Variants in NAALADL2 observed in about 807,000 individuals in gnomAD.
NAALADL2 encodes the protein N-acetylated alpha-linked acidic dipeptidase like 2.
A neutral mutation model predicts 87.2 loss-of-function variants in NAALADL2; 76 were observed. The ratio of observed to expected loss-of-function variants is 0.87; its 90% CI spans 0.72 to 1.05. The LOEUF (loss-of-function observed/expected upper bound fraction) is 1.05. Ranked by LOEUF, NAALADL2 falls within the 50% of genes least tolerant of loss-of-function variation. The pLI is 0.00. For missense variants in NAALADL2, 1,089 were observed against 945.8 expected (o/e 1.15, Z -1.99); for synonymous variants, 354 against 331.0 (o/e 1.07, Z -0.75).
chr3:174,709,275 T>C (rs1730399209), intron 2 of NAALADL2, among the ~76,000 whole-genome samples: 1 of 152,138 alleles, frequency 6.6e-6, no homozygotes, highest in Non-Finnish European at 1.5e-5. Flanking sequence ...GGCTCTGAAC[T>C]TCCTTGCAGT....
chr3:175,021,465 A>T (rs1435188137), intron 1 of NAALADL2, among the ~76,000 whole-genome samples: 1 of 152,114 alleles, frequency 6.6e-6, no homozygotes, highest in Non-Finnish European at 1.5e-5. Context: ...CTTACAAGGT[A>T]TTAAGGGGCA....
intron 2 of NAALADL2, among the ~76,000 whole-genome samples, chr3:175,180,352 A>G (rs1427004326): frequency 6.6e-6 from 1 of 152,038 alleles, no homozygotes; most frequent in Non-Finnish European, 1.5e-5. Flanking sequence ...GGGAGATAAT[A>G]CTATTCATGT....
At chr3:175,218,478 T>C (rs1325628264) in intron 2 of NAALADL2, among the ~76,000 whole-genome samples, 1 of 148,656 alleles carries the variant, frequency 6.7e-6, no homozygotes, top group Admixed American at 6.6e-5. Context: ...ACTCTTTTTT[T>C]ATCCAAATAT....
intron 1 of NAALADL2, among the ~76,000 whole-genome samples, chr3:174,445,445 G>C (rs1714983380): frequency 1.3e-5 from 2 of 151,980 alleles, no homozygotes; most frequent in South Asian, 4.1e-4. Context: ...CTGGCCTTCA[G>C]TTTTTTACTG....
chr3:175,774,011 A>G (rs2150187813), intron 13 of NAALADL2, among the ~76,000 whole-genome samples: 1 of 152,230 alleles, frequency 6.6e-6, no homozygotes, highest in South Asian at 2.1e-4. Context: ...TGGAGCTTGA[A>G]GGTCAAGGCA....
intron 1 of NAALADL2, among the ~76,000 whole-genome samples, chr3:174,978,964 A>G (rs1471664672): frequency 1.3e-5 from 2 of 152,172 alleles, no homozygotes; most frequent in African/African-American, 4.8e-5. Flanking sequence ...ATTCACAAGG[A>G]TGACTGGAAT....
At chr3:175,669,000 A>T (rs1430832712) in intron 11 of NAALADL2, among the ~76,000 whole-genome samples, 1 of 152,108 alleles carries the variant, frequency 6.6e-6, no homozygotes. Flanking sequence ...TAACCAATGG[A>T]GAAGAGAGGC....
At chr3:174,703,947 G>C (rs1451516400) in intron 2 of NAALADL2, among the ~76,000 whole-genome samples, 1 of 152,156 alleles carries the variant, frequency 6.6e-6, no homozygotes, top group Non-Finnish European at 1.5e-5. Flanking sequence ...AGGCTGGACT[G>C]AATGCTAAGT....
At chr3:175,416,895 T>C (rs959698063) in intron 5 of NAALADL2, among the ~76,000 whole-genome samples, 19 of 151,982 alleles carry the variant, frequency 1.3e-4, no homozygotes, top group Non-Finnish European at 2.9e-5. Context: ...TATATGATGC[T>C]GAGTCACTTG....
intron 5 of NAALADL2, among the ~76,000 whole-genome samples, chr3:175,430,218 A>T (rs1180090540): frequency 6.6e-6 from 1 of 151,956 alleles, no homozygotes; most frequent in African/African-American, 2.4e-5. Flanking sequence ...CTACCATTCT[A>T]AATTCTACCA....
chr3:175,420,187 A>G (rs1474063671), intron 5 of NAALADL2, among the ~76,000 whole-genome samples: 1 of 151,950 alleles, frequency 6.6e-6, no homozygotes, highest in African/African-American at 2.4e-5. Flanking sequence ...AAAAGAGAGA[A>G]ATGTTTCTTT....
At chr3:174,871,073 T>C (rs868812665) in intron 1 of NAALADL2, among the ~76,000 whole-genome samples, 3 of 152,212 alleles carry the variant, frequency 2.0e-5, no homozygotes, top group Non-Finnish European at 4.4e-5. Context: ...AATTCAAGAA[T>C]GTTTTGACCA....
At chr3:175,251,568 A>T (rs1186166572) in intron 3 of NAALADL2, among the ~76,000 whole-genome samples, 5 of 152,230 alleles carry the variant, frequency 3.3e-5, no homozygotes, top group African/African-American at 7.2e-5. Flanking sequence ...GTTGTAAGTT[A>T]ACATAGTACC....
At chr3:174,850,136 C>T (rs1725085799) in intron 3 of NAALADL2, among the ~76,000 whole-genome samples, 1 of 152,046 alleles carries the variant, frequency 6.6e-6, no homozygotes, top group Non-Finnish European at 1.5e-5. Flanking sequence ...GTATTTCTCC[C>T]TCATGTTCGA....
chr3:175,760,617 A>G (rs1583142363), intron 13 of NAALADL2, among the ~76,000 whole-genome samples: 1 of 152,200 alleles, frequency 6.6e-6, no homozygotes, highest in East Asian at 1.9e-4. Context: ...TCTTGAGTAG[A>G]CAGGGGATTA....
chr3:174,765,830 A>G (rs1221816903), intron 3 of NAALADL2, among the ~76,000 whole-genome samples: 2 of 152,318 alleles, frequency 1.3e-5, no homozygotes, highest in South Asian at 2.1e-4. Flanking sequence ...GTCAAAATGA[A>G]TGTGATATCC....
chr3:175,187,363 C>T (rs1737496747), intron 2 of NAALADL2, among the ~76,000 whole-genome samples: 1 of 152,194 alleles, frequency 6.6e-6, no homozygotes, highest in South Asian at 2.1e-4. Flanking sequence ...TGTTTATTTC[C>T]TATCGTTGTC....
intron 2 of NAALADL2, among the ~76,000 whole-genome samples, chr3:174,617,343 G>T (rs1228406716): frequency 6.6e-6 from 1 of 151,428 alleles, no homozygotes; most frequent in Non-Finnish European, 1.5e-5. Context: ...CACTAAAGAA[G>T]AAAATATATC....
At chr3:174,624,400 G>C (rs1211670950) in intron 2 of NAALADL2, among the ~76,000 whole-genome samples, 2 of 152,088 alleles carry the variant, frequency 1.3e-5, no homozygotes, top group Non-Finnish European at 2.9e-5. Context: ...GAGGCGGGTG[G>C]ATCATTTGAG....
Sources: allele counts gnomAD v4.1 joint callset (sites outside exome capture counted in the v4.1 genomes callset), GRCh38; gene constraint gnomAD v4.1.1; transcripts MANE v1.5; gene names NCBI Gene and HGNC (gene_info 2026-07-23, HGNC 2026-07-21).